The following ZC3H13 variants were observed in gnomAD, a reference collection of about 807,000 sequenced individuals.
ZC3H13 encodes zinc finger CCCH domain-containing protein 13.
In ZC3H13, 64 loss-of-function variants were observed where a neutral mutation model predicts 204.1. That is an observed-to-expected ratio of 0.31 (90% CI 0.26 to 0.39). The LOEUF (loss-of-function observed/expected upper bound fraction) is 0.39, where lower values mean the gene tolerates loss of function less well. ZC3H13 is among the 10% of genes least tolerant of loss of function. ZC3H13 has a pLI of 1.00. For synonymous variants in ZC3H13, 667 were observed against 693.7 expected (o/e 0.96, Z 0.60); for missense variants, 1,833 against 2,082.7 (o/e 0.88, Z 2.33).
chr13:45,979,670 A>G (rs1208516719), intron 11 of ZC3H13, 143 bp downstream of exon 11: 1 of 752,142 alleles, frequency 1.3e-6, no homozygotes, highest in African/African-American at 1.8e-5. Context: ...AGATTATATG[A>G]GTATATATAA....
chr13:46,002,243 T>A (rs2040804816), intron 8 of ZC3H13, among the ~76,000 whole-genome samples: 1 of 152,162 alleles, frequency 6.6e-6, no homozygotes. Flanking sequence ...CCTATTCGAA[T>A]GGCGACTATA....
chr13:45,999,975 G>T (rs1224940837), intron 8 of ZC3H13, among the ~76,000 whole-genome samples: 1 of 152,146 alleles, frequency 6.6e-6, no homozygotes, highest in Admixed American at 6.5e-5. Flanking sequence ...GTAGTATTTT[G>T]AATGGAATCT....
At position 45,969,128 on chromosome 13, in the gene ZC3H13, G is replaced by A; in HGVS notation, c.3416C>T (p.Thr1139Ile). The change falls in exon 14 of 19, where the codon ACC (threonine) becomes ATC (isoleucine). Residue 1139 changes from threonine (T) to isoleucine (I), a missense_variant. By Grantham distance (89) the Thr-to-Ile change is moderately conservative. This residue lies in a region of ZC3H13 where 1,574 missense variants were observed against 1,757.2 expected (regional missense o/e 0.90). Transcript: ENST00000679008. ...GGTGGTATTGGTGGGGGTGGCAGAG[G>A]TGGAAATAGTGATGGCAGATGTGCT... ...SFSTSAITIS[T>I]SATPTNTTNN... 6.2e-7 allele frequency: 1 copy of A among 1,614,128 alleles called. No homozygotes were observed. Among genetic ancestry groups the A allele is most frequent in the South Asian group, 1.1e-5 (1 of 91,080 alleles).
intron 5 of ZC3H13, among the ~76,000 whole-genome samples, chr13:46,013,933 A>C (rs190516028): frequency 6.6e-6 from 1 of 152,300 alleles, no homozygotes; most frequent in East Asian, 1.9e-4. Flanking sequence ...TTACAAGGCA[A>C]TTCACAAAGA....
chr13:46,046,137 CAA>C (rs2139204205), intron 1 of ZC3H13, among the ~76,000 whole-genome samples: 1 of 152,044 alleles, frequency 6.6e-6, no homozygotes, highest in African/African-American at 2.4e-5. Flanking sequence ...CAAAACAAAA[CAA>C]AACTCAATGT....
chr13:46,025,417 C>CT (rs1466331229), intron 4 of ZC3H13, among the ~76,000 whole-genome samples: 3 of 152,110 alleles, frequency 2.0e-5, no homozygotes, highest in African/African-American at 7.2e-5. Flanking sequence ...AGCAATCCTC[C>CT]TGCCTCAGCC....
chr13:46,027,728 G>T (rs761321627), intron 4 of ZC3H13, among the ~76,000 whole-genome samples: 5 of 152,114 alleles, frequency 3.3e-5, no homozygotes, highest in Admixed American at 6.5e-5. Flanking sequence ...GTAGTATAGT[G>T]CTGTTTCAAA....
chr13:46,041,662 T>C (rs1429112450), intron 4 of ZC3H13, among the ~76,000 whole-genome samples: 4 of 152,190 alleles, frequency 2.6e-5, no homozygotes, highest in African/African-American at 9.6e-5. Flanking sequence ...AACTACATTA[T>C]AAATTTTATT....
At chr13:46,009,160 T>C (rs941997888) in intron 7 of ZC3H13, among the ~76,000 whole-genome samples, 4 of 151,956 alleles carry the variant, frequency 2.6e-5, no homozygotes, top group Admixed American at 2.0e-4. Context: ...AAACTTAAAA[T>C]TTGAGCTAGA....
At chr13:45,972,868 A>G (rs1187370030) in intron 12 of ZC3H13, among the ~76,000 whole-genome samples, 2 of 152,240 alleles carry the variant, frequency 1.3e-5, no homozygotes, top group East Asian at 3.8e-4. Flanking sequence ...TGTTGTTTCT[A>G]CCATTACATG....
chr13:45,963,145 A>G, intron 17 of ZC3H13: 1 of 968,278 alleles, frequency 1.0e-6, no homozygotes, highest in Non-Finnish European at 1.2e-6. Context: ...ATTATTCCTG[A>G]CTTACAGATG....
chr13:46,004,923 A>G (rs902243245), intron 7 of ZC3H13, among the ~76,000 whole-genome samples: 1 of 152,190 alleles, frequency 6.6e-6, no homozygotes, highest in African/African-American at 2.4e-5. Context: ...AGTAAATAGT[A>G]TAACTTTGAT....
chr13:45,960,895 G>C (rs935224255), intron 17 of ZC3H13, among the ~76,000 whole-genome samples: 1 of 152,192 alleles, frequency 6.6e-6, no homozygotes, highest in Non-Finnish European at 1.5e-5. Context: ...CAAAGTGTAA[G>C]TATTGAGATT....
chr13:46,002,434 T>C (rs1420960232), intron 8 of ZC3H13, among the ~76,000 whole-genome samples: 1 of 152,054 alleles, frequency 6.6e-6, no homozygotes, highest in East Asian at 1.9e-4. Flanking sequence ...ACAAAAGAAC[T>C]GAAAGCAGGG....
rs771538122 is a variant in ZC3H13 at position 45,969,564 on chromosome 13, G to T, written c.2980C>A (p.Pro994Thr). Residue 994 changes from proline (P) to threonine (T), a missense_variant, in exon 14 of 19, where the codon CCA becomes ACA. Around this residue, in one of 5 missense-constraint regions of ZC3H13, gnomAD observed 1,574 missense variants for 1,757.2 expected, o/e 0.90. Transcript: ENST00000679008. ...TTSEDGQVFSPKKGQKKKSIE... is the reference protein window; with the variant it reads ...TTSEDGQVFSTKKGQKKKSIE... ...CTTTTCTTTTTCTGTCCTTTTTTTG[G>T]TGAAAATACTTGACCATCTTCAGAT... 22 of 1,607,414 alleles carry T rather than the reference G, an allele frequency of 1.4e-5. No individual in the cohort carries two copies. The South Asian group carries it at 2.5e-4, about 18-fold the overall frequency.
chr13:46,046,050 ATATTT>A (rs2043931811), intron 1 of ZC3H13, among the ~76,000 whole-genome samples: 1 of 152,212 alleles, frequency 6.6e-6, no homozygotes, highest in Non-Finnish European at 1.5e-5. Flanking sequence ...AAAATGAATG[ATATTT>A]TAGTATTTTC....
chr13:46,046,683 A>ACT (rs796583606), intron 1 of ZC3H13, among the ~76,000 whole-genome samples: 20 of 151,176 alleles, frequency 1.3e-4, no homozygotes, highest in Admixed American at 1.3e-3. Context: ...AAACAAAAAA[A>ACT]CTCTCTCTAT....
chr13:46,015,671 CCA>C (rs1225642608), intron 5 of ZC3H13, among the ~76,000 whole-genome samples: 5 of 152,078 alleles, frequency 3.3e-5, no homozygotes, highest in African/African-American at 1.2e-4. Flanking sequence ...CAAATAAAAA[CCA>C]CAGACTTCGG....
chr13:46,033,177 A>T (rs1452667560), intron 4 of ZC3H13, among the ~76,000 whole-genome samples: 1 of 152,088 alleles, frequency 6.6e-6, no homozygotes, highest in Non-Finnish European at 1.5e-5. Flanking sequence ...AGAAAAAAGA[A>T]ATCTAAAAAC....
Sources: gnomAD v4.1 joint callset for allele counts (sites outside exome capture counted in the v4.1 genomes callset) on GRCh38, gnomAD v4.1.1 for gene constraint, gnomAD v4.1.1 regional missense constraint, MANE v1.5 for transcripts, NCBI Gene and HGNC (gene_info 2026-07-23, HGNC 2026-07-21) for gene names.